The following KDSR variants were observed in gnomAD, a reference collection of about 807,000 sequenced individuals.
The protein encoded by KDSR is 3-ketodihydrosphingosine reductase.
KDSR carries 23 observed loss-of-function variants against 41.3 expected under a neutral mutation model. The observed-to-expected ratio is 0.56, with a 90% CI of 0.40 to 0.79. KDSR has a LOEUF of 0.79. Among genes scored for constraint, KDSR ranks in the 30% least tolerant of loss-of-function variants. KDSR has a pLI of 0.00. For missense variants in KDSR, 351 were observed against 416.8 expected, an observed-to-expected ratio of 0.84 and a Z score of 1.37; for synonymous variants, 138 against 151.7, an observed-to-expected ratio of 0.91 and a Z score of 0.66.
At chr18:63,359,818 C>A (rs552058664) in intron 2 of KDSR, 26 bp from the exon 3 acceptor site, 1 of 1,532,738 alleles carries the variant, frequency 6.5e-7, no homozygotes, top group East Asian at 2.3e-5. Flanking sequence ...AATAATTAGT[C>A]GTGATGACCG....
rs543531721 is a variant in KDSR at position 63,340,836 on chromosome 18, T to C, written c.694-1953A>G. 3.8e-4 allele frequency among the ~76,000 whole-genome samples: 58 copies of C among 152,360 alleles called. No homozygotes were observed. The South Asian group carries it at 9.9e-3, about 26-fold the overall frequency. ...CACTAAGAGTAGTTATAAGGCACTT[T>C]GTAGAAACAGAAAAATTAAGCAAAA... On this transcript the variant is annotated intron_variant, in intron 7 of 9. Coordinates refer to ENST00000645214, the MANE Select transcript of KDSR (RefSeq NM_002035.4).
intron 1 of KDSR, among the ~76,000 whole-genome samples, chr18:63,364,436 G>A (rs964444793): frequency 3.3e-5 from 5 of 151,634 alleles, no homozygotes; most frequent in African/African-American, 9.7e-5. Context: ...AGTGAACAAT[G>A]CAACATTATT....
Position 63,367,129 on chromosome 18 carries a change from GGCCAGGGGCCCGGA to G in KDSR, c.-25_-12del. ...AGCCAGCAGCAGCATCGCTCCGCGG[GGCCAGGGGCCCGGA>G]GCGGCCGGGCGGGGGCCGCCGGGCA... On this transcript the variant is annotated 5_prime_UTR_variant, in exon 1 of 10. Transcript: ENST00000645214. 1 of 1,307,652 alleles carries G rather than the reference GGCCAGGGGCCCGGA, an allele frequency of 7.6e-7. No homozygotes were observed. Among genetic ancestry groups the G allele is most frequent in the Non-Finnish European group, 9.8e-7 (1 of 1,022,812 alleles). The allele number at this position is 1,307,652 out of a possible 1,614,324, so 81.0% of individuals were successfully genotyped here. A position where few individuals can be genotyped will look rare whatever the true frequency, so the allele number is the denominator to read the frequency against.
At chr18:63,366,765 G>A (rs1007899500) in intron 1 of KDSR, 30 of 374,944 alleles carry the variant, frequency 8.0e-5, no homozygotes, top group Admixed American at 7.8e-4. Context: ...TGCGGCCGGC[G>A]GGGTCCCCCG....
At position 63,351,012 on chromosome 18, in the gene KDSR, T is replaced by C; in HGVS notation, c.485A>G (p.Glu162Gly). 1 of 1,614,148 alleles carries C rather than the reference T, an allele frequency of 6.2e-7. No individual in the cohort carries two copies. The highest frequency in any genetic ancestry group is 8.5e-7 in the Non-Finnish European group (1 of 1,179,998). ...PSRAVITTMK[E>G]RRVGRIVFVS... ...AAACACGATCCTGCCCACCCGGCGC[T>C]CCTTCATGGTGGTGATCACGGCCCG... is the stretch of plus-strand genomic sequence containing the variant. Residue 162 changes from glutamate to glycine, a missense_variant, in exon 6 of 10, where the codon GAG becomes GGG. Physicochemically the swap from Glu to Gly is moderately conservative, Grantham distance 98. Coordinates refer to ENST00000645214, the MANE Select transcript of KDSR (RefSeq NM_002035.4).
chr18:63,366,858 C>T (rs1036969509), intron 1 of KDSR, among the ~76,000 whole-genome samples, 153 bp downstream of exon 1: 2 of 152,134 alleles, frequency 1.3e-5, no homozygotes, highest in Non-Finnish European at 2.9e-5. Context: ...GGGGGAAAAG[C>T]GCCGGGGTGG....
intron 2 of KDSR, 84 bp from the exon 3 acceptor site, chr18:63,359,876 T>C: frequency 1.1e-6 from 1 of 902,216 alleles, no homozygotes; most frequent in Non-Finnish European, 1.8e-6. Flanking sequence ...AAAGCAATTA[T>C]TTCTATATGT....
At chr18:63,358,838 A>AG (rs1568283088) in intron 3 of KDSR, among the ~76,000 whole-genome samples, 39 of 137,850 alleles carry the variant, frequency 2.8e-4, no homozygotes, top group African/African-American at 9.4e-4. Flanking sequence ...AAAAAGAACT[A>AG]AACAATATAT....
intron 2 of KDSR, among the ~76,000 whole-genome samples, chr18:63,361,928 C>T (rs1048268949): frequency 6.6e-6 from 1 of 152,226 alleles, no homozygotes; most frequent in Admixed American, 6.5e-5. Flanking sequence ...GGGTCCTGTC[C>T]AGCCCTCCAC....
rs1400384614 is a variant in KDSR at position 63,330,602 on chromosome 18, A to C, written c.*1180T>G. 1 of 232,060 alleles carries C rather than the reference A, an allele frequency of 4.3e-6. No homozygotes were observed. Among genetic ancestry groups the C allele is most frequent in the African/African-American group, 2.2e-5 (1 of 45,394 alleles). The allele number at this position is 232,060 out of a possible 1,614,324, so 14.4% of individuals were successfully genotyped here. On this transcript the variant is annotated 3_prime_UTR_variant, in exon 10 of 10. Transcript: ENST00000645214. ...GGGAGAGTCACATAAAGAACAGGTG[A>C]TCATTTTATTTCAAAAGCAACTCTC...
At chr18:63,357,039 T>C (rs536026490) in intron 3 of KDSR, among the ~76,000 whole-genome samples, 1 of 152,336 alleles carries the variant, frequency 6.6e-6, no homozygotes, top group Non-Finnish European at 1.5e-5. Flanking sequence ...CTGGTGTACT[T>C]CAATCCTAGG....
chr18:63,354,969 C>G (rs1275665176), intron 5 of KDSR, among the ~76,000 whole-genome samples: 1 of 152,190 alleles, frequency 6.6e-6, no homozygotes, highest in Admixed American at 6.5e-5. Context: ...AAGGTCCATT[C>G]CCATTTTAGC....
At chr18:63,361,845 A>G (rs924347140) in intron 2 of KDSR, among the ~76,000 whole-genome samples, 2 of 152,150 alleles carry the variant, frequency 1.3e-5, no homozygotes, top group South Asian at 2.1e-4. Flanking sequence ...AAGAAATTAT[A>G]GAGGTCCAAG....
intron 8 of KDSR, among the ~76,000 whole-genome samples, chr18:63,337,072 T>TTA (rs113764704): frequency 0.25 from 12,201 of 47,938 alleles, 1,388 homozygotes; most frequent in Non-Finnish European, 0.36. Context: ...ATATGTGACT[T>TTA]TATATATATA....
intron 3 of KDSR, among the ~76,000 whole-genome samples, chr18:63,357,095 T>G (rs953340520): frequency 6.6e-6 from 1 of 152,210 alleles, no homozygotes; most frequent in Non-Finnish European, 1.5e-5. Context: ...TGGAAAGATC[T>G]CTAACATTCT....
In KDSR at chr18:63,331,372, T is replaced by C. The variant is rs1420527572; in HGVS notation, c.*410A>G. 4.3e-6 allele frequency: 1 copy of C among 233,418 alleles called. No individual in the cohort carries two copies. Among genetic ancestry groups the C allele is most frequent in the East Asian group, 6.0e-5 (1 of 16,602 alleles). 14.5% of individuals were successfully genotyped at this position (233,418 alleles called of 1,614,324 possible). ...CCCGAGAAACCGAAAATTGTTTTTT[T>C]ATGGAAGGTTTAAACAAAGTCCTCA... is the stretch of plus-strand genomic sequence containing the variant. On this transcript the variant is annotated 3_prime_UTR_variant, in exon 10 of 10. Transcript: ENST00000645214.
In KDSR at chr18:63,330,622, A is replaced by G; in HGVS notation, c.*1160T>C. On this transcript the variant is annotated 3_prime_UTR_variant, in exon 10 of 10. Transcript: ENST00000645214. The stretch of plus-strand genomic sequence containing the variant: ...AGGTGATCATTTTATTTCAAAAGCA[A>G]CTCTCTTCAAAATCAGCCTTGTCTT... 2 of 231,680 alleles carry G rather than the reference A, an allele frequency of 8.6e-6. No individual in the cohort carries two copies. The highest frequency in any genetic ancestry group is 1.3e-3 in the Middle Eastern group (1 of 780). The allele number at this position is 231,680 out of a possible 1,614,324, so 14.4% of individuals were successfully genotyped here. A position where few individuals can be genotyped will look rare whatever the true frequency, so the allele number is the denominator to read the frequency against.
At position 63,353,823 on chromosome 18, in the gene KDSR, G is replaced by C. The variant is rs534103266; in HGVS notation, c.417+1381C>G. 2.6e-4 allele frequency among the ~76,000 whole-genome samples: 40 copies of C among 152,246 alleles called. No homozygotes were observed. In the South Asian group the frequency reaches 7.5e-3, roughly 29 times the overall value. On this transcript the variant is annotated intron_variant, in intron 5 of 9. Coordinates refer to ENST00000645214, the MANE Select transcript of KDSR (RefSeq NM_002035.4). Reference sequence around the variant, plus strand: ...CAGAGATTGGGTGTGGGGGTGAGCAGGGATGGGGAGCAACTGCTTACCAGG... The same window carrying C: ...CAGAGATTGGGTGTGGGGGTGAGCACGGATGGGGAGCAACTGCTTACCAGG...
chr18:63,361,033 TA>T (rs1914959248), intron 2 of KDSR, among the ~76,000 whole-genome samples: 4 of 52,186 alleles, frequency 7.7e-5, no homozygotes, highest in Admixed American at 2.1e-4. Context: ...ATAATATATA[TA>T]ATAAAAATAT....
Sources: allele counts gnomAD v4.1 joint callset (sites outside exome capture counted in the v4.1 genomes callset), GRCh38; gene constraint gnomAD v4.1.1; transcripts MANE v1.5; gene names NCBI Gene and HGNC (gene_info 2026-07-23, HGNC 2026-07-21).